Variants in ANKRD30A observed in about 807,000 individuals in gnomAD.
ANKRD30A encodes ankyrin repeat domain 30A.
Under a neutral mutation model 166.3 loss-of-function variants are expected in ANKRD30A, and 170 were observed. The ratio of observed to expected loss-of-function variants is 1.02; its 90% confidence interval spans 0.90 to 1.16. ANKRD30A has a LOEUF of 1.16. Ranked by LOEUF, ANKRD30A falls within the 50% of genes most tolerant of loss-of-function variation. The probability of loss-of-function intolerance (pLI) is 0.00; values close to 1 mark genes in which losing one functional copy is unlikely to be tolerated. For missense variants in ANKRD30A, 1,630 were observed against 1,518.0 expected (o/e 1.07, Z -1.23); for synonymous variants, 564 against 508.9 (o/e 1.11, Z -1.46).
At chr10:37,261,414 A>G in the ANKRD30A span, among the ~76,000 whole-genome samples, 1 of 152,206 alleles carries the variant, frequency 6.6e-6, no homozygotes, top group Non-Finnish European at 1.5e-5. Context: ...CTCAGCCATT[A>G]TAAATTGATT....
chr10:37,190,257 T>G lies in ANKRD30A; in HGVS notation c.2512+700T>G, dbSNP rs1430008636. ...CAGCCGACTTGGGATTCTGCATTTTTAAAAAGTTCTCAGGTGATGCTGATG... is the reference window on the plus strand; with the variant it reads ...CAGCCGACTTGGGATTCTGCATTTTGAAAAAGTTCTCAGGTGATGCTGATG... On this transcript the variant is annotated intron_variant, in intron 25 of 35. Coordinates refer to ENST00000361713, the MANE Select transcript of ANKRD30A (RefSeq NM_052997.3). Among the ~76,000 whole-genome samples the G allele has an allele frequency of 2.0e-5, 3 of 151,894 alleles. No homozygotes were observed. The East Asian group carries it at 5.8e-4, about 29-fold the overall frequency.
chr10:37,224,498 T>G (rs1286140095), intron 34 of ANKRD30A, among the ~76,000 whole-genome samples: 1 of 150,730 alleles, frequency 6.6e-6, no homozygotes, highest in African/African-American at 2.4e-5. Flanking sequence ...ATATATTATA[T>G]GTATATACAT....
In ANKRD30A at chr10:37,177,986, C is replaced by T. The variant is rs1485409580; in HGVS notation, c.2421+1768C>T. Among the ~76,000 whole-genome samples, 10 of 150,108 alleles carry T rather than the reference C, an allele frequency of 6.7e-5. No individual in the cohort carries two copies. In the South Asian group the frequency reaches 8.6e-4, roughly 13 times the overall value. On this transcript the variant is annotated intron_variant, in intron 24 of 35. Transcript: ENST00000361713. ...AGTTTAAATTCAAGATATTCCAAGA[C>T]GTGAGGAAAATGAGAAAATAAGAAA...
At chr10:37,243,866 G>T in the ANKRD30A span, among the ~76,000 whole-genome samples, 26 of 151,792 alleles carry the variant, frequency 1.7e-4, 1 homozygote, top group African/African-American at 6.3e-4. Context: ...CCGAGTGATG[G>T]CAGTTGTAGT....
chr10:37,199,676 G>T lies in ANKRD30A; in HGVS notation c.2717-51G>T, dbSNP rs546758507. The T allele has an allele frequency of 1.6e-5, 19 of 1,203,982 alleles. No individual in the cohort carries two copies. In the Admixed American group the frequency reaches 2.3e-4, roughly 14 times the overall value. 74.6% of individuals were successfully genotyped at this position (1,203,982 alleles called of 1,614,324 possible). ...GTAGATTTGTATATGTTTTTAAAAT[G>T]TATAGTAGAGAAATGTTCTCATGAA... On this transcript the variant is annotated intron_variant, in intron 29 of 35. Coordinates refer to ENST00000361713, the MANE Select transcript of ANKRD30A (RefSeq NM_052997.3).
rs575624080 is a variant in ANKRD30A at position 37,147,773 on chromosome 10, G to A, written c.1543+316G>A. On this transcript the variant is annotated intron_variant, in intron 9 of 35. Coordinates refer to ENST00000361713, the MANE Select transcript of ANKRD30A (RefSeq NM_052997.3). ...GGCAGAGAGAGTACAGGGAGTTCATGAAGGAACAAGAAGCAGGTTTATATA... is the reference window on the plus strand; with the variant it reads ...GGCAGAGAGAGTACAGGGAGTTCATAAAGGAACAAGAAGCAGGTTTATATA... Among the ~76,000 whole-genome samples, 25 of 152,188 alleles carry A rather than the reference G, an allele frequency of 1.6e-4. No homozygotes were observed. In the South Asian group the frequency reaches 5.0e-3, roughly 30 times the overall value.
chr10:37,195,285 CA>C (rs1042120967), intron 27 of ANKRD30A, among the ~76,000 whole-genome samples: 34 of 152,130 alleles, frequency 2.2e-4, no homozygotes, highest in Admixed American at 1.6e-3. Flanking sequence ...CAAACAAAAT[CA>C]AAATTTTGTT....
chr10:37,140,734 A>T (rs1564475555), intron 6 of ANKRD30A, among the ~76,000 whole-genome samples: 2 of 152,288 alleles, frequency 1.3e-5, no homozygotes, highest in East Asian at 3.9e-4. Flanking sequence ...AGTTAGAAAA[A>T]TTTTTCATAA....
At chr10:37,142,524 T>C (rs1423407498) in intron 7 of ANKRD30A, among the ~76,000 whole-genome samples, 3 of 147,640 alleles carry the variant, frequency 2.0e-5, no homozygotes, top group Admixed American at 1.4e-4. Context: ...GCTAAAACCA[T>C]AGGAACCAAA....
At chr10:37,137,444 G>T (rs1174036674) in intron 6 of ANKRD30A, among the ~76,000 whole-genome samples, 1 of 152,202 alleles carries the variant, frequency 6.6e-6, no homozygotes, top group East Asian at 1.9e-4. Flanking sequence ...CACCTGGGAA[G>T]CGCAAGGGGT....
At chr10:37,147,703 A>G in intron 9 of ANKRD30A, among the ~76,000 whole-genome samples, 1 of 152,230 alleles carries the variant, frequency 6.6e-6, no homozygotes, top group East Asian at 1.9e-4. Flanking sequence ...AAAGTCAGGA[A>G]ACAAGTAAGG....
chr10:37,192,107 G>A (rs1191879619), intron 25 of ANKRD30A, among the ~76,000 whole-genome samples: 1 of 151,944 alleles, frequency 6.6e-6, no homozygotes, highest in African/African-American at 2.4e-5. Flanking sequence ...CATGATCTTG[G>A]CTCACTGCAA....
At chr10:37,221,144 A>G (rs1293311205) in intron 34 of ANKRD30A, among the ~76,000 whole-genome samples, 6 of 150,358 alleles carry the variant, frequency 4.0e-5, no homozygotes, top group African/African-American at 1.2e-4. Flanking sequence ...CTAGTAAGAG[A>G]GTACCAGTTT....
At chr10:37,136,793 A>ATGTGGG in intron 6 of ANKRD30A, 122 bp downstream of exon 6, 1 of 435,186 alleles carries the variant, frequency 2.3e-6, no homozygotes, top group South Asian at 2.8e-5. Context: ...ATATACATAT[A>ATGTGGG]TGTGGGTGTG....
rs946102099 is a variant in ANKRD30A, at chr10:37,158,545, C to A, written c.1859C>A (p.Thr620Asn). 7 of 1,613,480 alleles carry A rather than the reference C, an allele frequency of 4.3e-6. No individual in the cohort carries two copies. The highest frequency in any genetic ancestry group is 1.1e-5 in the South Asian group (1 of 90,934). Residue 620 changes from threonine to asparagine, a missense_variant, in exon 15 of 36, where the codon ACT becomes AAT. Thr to Asn is a moderately conservative substitution (Grantham distance 65, BLOSUM62 0). This residue lies in a region of ANKRD30A where 904 missense variants were observed against 818.5 expected (regional missense o/e 1.10). Coordinates refer to ENST00000361713, the MANE Select transcript of ANKRD30A (RefSeq NM_052997.3). ...ATCGMKVSIPTKALELKDMQT... is the reference protein window; with the variant it reads ...ATCGMKVSIPNKALELKDMQT... The stretch of plus-strand genomic sequence containing the variant: ...TGCGGAATGAAAGTTTCTATTCCAA[C>A]TAAAGCCTTAGAATTGAAGGACATG...
chr10:37,192,039 T>C (rs1269641400), intron 25 of ANKRD30A, among the ~76,000 whole-genome samples: 2 of 149,640 alleles, frequency 1.3e-5, no homozygotes, highest in Non-Finnish European at 2.9e-5. Flanking sequence ...TCACATTACA[T>C]GTTTTTTCTT....
chr10:37,166,323 T>A (rs1230524317), intron 18 of ANKRD30A, among the ~76,000 whole-genome samples: 1 of 152,246 alleles, frequency 6.6e-6, no homozygotes, highest in Non-Finnish European at 1.5e-5. Flanking sequence ...AGTTACTTTT[T>A]GAAATATGCA....
At position 37,199,755 on chromosome 10, in the gene ANKRD30A, A is replaced by C. The variant is rs781770722; in HGVS notation, c.2745A>C (p.Gln915His). ...AGATGTTCCCTTCAGAATCAAAACA[A>C]AAGAAGGTTGAAGAAAATTCTTGGG... ...ADQMFPSESK[Q>H]KKVEENSWDS... The change falls in exon 30 of 36, where the codon CAA (glutamine) becomes CAC (histidine). Residue 915 changes from glutamine to histidine, a missense_variant. By Grantham distance (24) the Gln-to-His change is conservative (BLOSUM62 0). Around this residue, in one of 4 missense-constraint regions of ANKRD30A, gnomAD observed 712 missense variants for 629.3 expected, o/e 1.13. Coordinates refer to ENST00000361713, the MANE Select transcript of ANKRD30A (RefSeq NM_052997.3). 3.2e-6 allele frequency: 5 copies of C among 1,581,834 alleles called. No homozygotes were observed. The highest frequency in any genetic ancestry group is 4.3e-6 in the Non-Finnish European group (5 of 1,157,658).
chr10:37,253,797 G>A, the ANKRD30A span, among the ~76,000 whole-genome samples: 20 of 151,912 alleles, frequency 1.3e-4, no homozygotes, highest in Non-Finnish European at 2.4e-4. Flanking sequence ...ACAGGTGCCC[G>A]CCACCATGCC....
Sources: gnomAD v4.1 joint callset for allele counts (sites outside exome capture counted in the v4.1 genomes callset) on GRCh38, gnomAD v4.1.1 for gene constraint, gnomAD v4.1.1 regional missense constraint, MANE v1.5 for transcripts, NCBI Gene and HGNC (gene_info 2026-07-23, HGNC 2026-07-21) for gene names.